Variants in RBFOX1 observed in about 807,000 individuals in gnomAD.
RBFOX1 encodes RNA binding fox-1 homolog 1.
RBFOX1 carries 8 observed loss-of-function variants against 57.7 expected under a neutral mutation model. That is an observed-to-expected ratio of 0.14 (90% CI 0.08 to 0.25). The LOEUF is 0.25. Ranked by LOEUF, RBFOX1 falls within the 10% of genes least tolerant of loss-of-function variation. The probability of loss-of-function intolerance (pLI) is 1.00; values close to 1 mark genes in which losing one functional copy is unlikely to be tolerated. For synonymous variants in RBFOX1, 326 were observed against 222.4 expected (o/e 1.47, Z -4.15); for missense variants, 611 against 548.5 (o/e 1.11, Z -1.14).
chr16:5,881,683 A>C (rs28438473), intron 4 of RBFOX1, among the ~76,000 whole-genome samples: 66,553 of 151,912 alleles, frequency 0.44, 15,999 homozygotes, highest in African/African-American at 0.65. Flanking sequence ...CCATCTCAAA[A>C]AAAAAGTTTT....
rs923281263 is a variant in RBFOX1, at chr16:6,560,594, T to A, written c.-63-94009T>A. On this transcript the variant is annotated intron_variant, in intron 2 of 15. Transcript: ENST00000550418. Reference sequence around the variant, plus strand: ...GGGAAGAAGCAAGGTGAGGAGGAGGTGCAAACCACTTAGGACTTGTAGGCA... The same window carrying A: ...GGGAAGAAGCAAGGTGAGGAGGAGGAGCAAACCACTTAGGACTTGTAGGCA... Among the ~76,000 whole-genome samples, 4 of 151,978 alleles carry A rather than the reference T, an allele frequency of 2.6e-5. No individual in the cohort carries two copies. The East Asian group carries it at 5.8e-4, about 22-fold the overall frequency.
intron 15 of RBFOX1, chr16:7,709,790 G>T: frequency 2.4e-6 from 3 of 1,233,458 alleles, no homozygotes; most frequent in Non-Finnish European, 2.1e-6. Context: ...GTAAGGGTGG[G>T]GTGAACTTGC....
chr16:7,636,817 A>G (rs961474928), intron 11 of RBFOX1, among the ~76,000 whole-genome samples: 2 of 147,624 alleles, frequency 1.4e-5, no homozygotes, highest in Admixed American at 1.4e-4. Flanking sequence ...CCATGTTTTC[A>G]CAAGAGAGAG....
chr16:6,749,126 A>G (rs577458684), intron 3 of RBFOX1, among the ~76,000 whole-genome samples: 9 of 152,348 alleles, frequency 5.9e-5, no homozygotes, highest in Middle Eastern at 3.4e-3. Flanking sequence ...CTGAGCAACT[A>G]CTAGGAAGGC....
chr16:6,857,097 G>A (rs1051718389), intron 3 of RBFOX1, among the ~76,000 whole-genome samples: 3 of 152,078 alleles, frequency 2.0e-5, no homozygotes, highest in Non-Finnish European at 4.4e-5. Context: ...TGAAGTGATT[G>A]CTTCAAAAAC....
At chr16:5,688,175 T>C (rs948520428) in intron 3 of RBFOX1, among the ~76,000 whole-genome samples, 2 of 152,198 alleles carry the variant, frequency 1.3e-5, no homozygotes, top group South Asian at 4.1e-4. Flanking sequence ...AAAAGGAGCT[T>C]GGAAGGCTAA....
chr16:7,117,701 A>C (rs888694884), intron 4 of RBFOX1, among the ~76,000 whole-genome samples: 5 of 152,226 alleles, frequency 3.3e-5, no homozygotes, highest in African/African-American at 4.8e-5. Flanking sequence ...TTTGTTATCT[A>C]ACAGTTTCTG....
rs997133560 is a variant in RBFOX1 at position 6,862,664 on chromosome 16, G to T, written c.-15-189393G>T. Among the ~76,000 whole-genome samples, 8 of 152,246 alleles carry T rather than the reference G, an allele frequency of 5.3e-5. No individual in the cohort carries two copies. The South Asian group carries it at 1.0e-3, about 20-fold the overall frequency. ...AAATGAAAGTGGTTTTGTATGAACA[G>T]AGCTGGAGGTAGAATTGGAATCATC... On this transcript the variant is annotated intron_variant, in intron 3 of 15. Coordinates refer to ENST00000550418, the MANE Select transcript of RBFOX1 (RefSeq NM_018723.4).
chr16:6,164,045 A>G (rs552770604), intron 1 of RBFOX1, among the ~76,000 whole-genome samples: 36 of 152,348 alleles, frequency 2.4e-4, no homozygotes, highest in African/African-American at 8.2e-4. Context: ...TTCTTATTTA[A>G]CAAAAATTGC....
chr16:6,193,028 T>C (rs577256425), intron 1 of RBFOX1, among the ~76,000 whole-genome samples: 5 of 152,298 alleles, frequency 3.3e-5, no homozygotes, highest in Admixed American at 2.0e-4. Flanking sequence ...AGAATGTTTA[T>C]CTTTGTTCCA....
At chr16:5,526,566 G>C (rs2044254272) in intron 2 of RBFOX1, among the ~76,000 whole-genome samples, 1 of 152,156 alleles carries the variant, frequency 6.6e-6, no homozygotes, top group Non-Finnish European at 1.5e-5. Flanking sequence ...TGGGATTATA[G>C]GTGTGAGCCA....
intron 12 of RBFOX1, among the ~76,000 whole-genome samples, chr16:7,657,596 C>T (rs1022306750): frequency 2.6e-5 from 4 of 152,204 alleles, no homozygotes; most frequent in Admixed American, 6.5e-5. Flanking sequence ...TGGGCCACTG[C>T]GCACAGACAT....
chr16:7,588,518 C>T (rs1033227451), intron 7 of RBFOX1, among the ~76,000 whole-genome samples: 1 of 152,162 alleles, frequency 6.6e-6, no homozygotes, highest in Non-Finnish European at 1.5e-5. Flanking sequence ...ATAGCTCTGA[C>T]GGGTCTCCTG....
intron 3 of RBFOX1, among the ~76,000 whole-genome samples, chr16:6,822,754 A>G (rs2091519680): frequency 6.6e-6 from 1 of 152,198 alleles, no homozygotes; most frequent in Admixed American, 6.5e-5. Context: ...GGTGGAAAAG[A>G]ACCCAGAAGA....
chr16:6,615,708 A>C (rs1601610518), intron 2 of RBFOX1, among the ~76,000 whole-genome samples: 1 of 152,180 alleles, frequency 6.6e-6, no homozygotes, highest in East Asian at 1.9e-4. Flanking sequence ...ACATCAATGC[A>C]AACACTTGTA....
intron 4 of RBFOX1, among the ~76,000 whole-genome samples, chr16:7,065,642 C>T (rs1276718544): frequency 6.6e-6 from 1 of 152,090 alleles, no homozygotes; most frequent in Admixed American, 6.6e-5. Flanking sequence ...ACATACTTAC[C>T]TTATTTTTTA....
chr16:7,127,109 T>G (rs1003925991), intron 4 of RBFOX1, among the ~76,000 whole-genome samples: 1 of 150,418 alleles, frequency 6.6e-6, no homozygotes, highest in African/African-American at 2.4e-5. Flanking sequence ...AGGGGAGCAC[T>G]TCATGTGGTC....
At chr16:6,255,954 C>A (rs1387164176) in intron 1 of RBFOX1, among the ~76,000 whole-genome samples, 1 of 151,090 alleles carries the variant, frequency 6.6e-6, no homozygotes, top group Non-Finnish European at 1.5e-5. Flanking sequence ...GGGCTTAAAA[C>A]CTAGATGACA....
intron 3 of RBFOX1, among the ~76,000 whole-genome samples, chr16:6,745,080 A>G (rs568465226): frequency 9.2e-5 from 14 of 152,204 alleles, no homozygotes; most frequent in Non-Finnish European, 7.4e-5. Flanking sequence ...TTAAGATTTA[A>G]GGGTGAAATG....
Sources: gnomAD v4.1 joint callset for allele counts (sites outside exome capture counted in the v4.1 genomes callset) on GRCh38, gnomAD v4.1.1 for gene constraint, MANE v1.5 for transcripts, NCBI Gene and HGNC (gene_info 2026-07-23, HGNC 2026-07-21) for gene names.